BLM: variants seen among roughly 807,000 people sequenced by gnomAD.
BLM encodes the protein recQ-like DNA helicase BLM.
Under a neutral mutation model 135.3 loss-of-function variants are expected in BLM, and 95 were observed. That is an observed-to-expected ratio of 0.70 (90% confidence interval 0.59 to 0.83). The LOEUF (loss-of-function observed/expected upper bound fraction) is 0.83, where lower values mean the gene tolerates loss of function less well. Among genes scored for constraint, BLM ranks in the 40% least tolerant of loss-of-function variants. The probability of loss-of-function intolerance (pLI) is 0.00; values close to 1 mark genes in which losing one functional copy is unlikely to be tolerated. For synonymous variants in BLM, 520 were observed against 589.2 expected, an observed-to-expected ratio of 0.88 and a Z score of 1.70; for missense variants, 1,518 against 1,663.9, an observed-to-expected ratio of 0.91 and a Z score of 1.53.
intron 16 of BLM, among the ~76,000 whole-genome samples, chr15:90,795,596 C>A (rs1005919008): frequency 6.6e-6 from 1 of 152,104 alleles, no homozygotes; most frequent in Admixed American, 6.6e-5. Context: ...TCTCCTCCCA[C>A]CCCACCCCAT....
At chr15:90,720,096 T>G (rs1894726364) in intron 1 of BLM, among the ~76,000 whole-genome samples, 1 of 152,218 alleles carries the variant, frequency 6.6e-6, no homozygotes, top group Non-Finnish European at 1.5e-5. Flanking sequence ...TGGGAAGCCA[T>G]AGTCTTTTAA....
chr15:90,803,466 G>C (rs1897210293), intron 17 of BLM, 55 bp from the exon 18 acceptor site: 2 of 1,525,724 alleles, frequency 1.3e-6, no homozygotes, highest in African/African-American at 1.4e-5. Flanking sequence ...TCTTCTATTT[G>C]AGGGTGATGA....
Position 90,794,336 on chromosome 15 carries a change from T to C in BLM, c.3189T>C (p.Cys1063=). ...GTAAGAAACACCCAGATGTTTCTTGTGATAATTGCTGTAAAACAAAGGTAA... is the reference window on the plus strand; with the variant it reads ...GTAAGAAACACCCAGATGTTTCTTGCGATAATTGCTGTAAAACAAAGGTAA... ...DFCKKHPDVS[C]DNCCKTKDYK... is the part of the protein sequence containing the mutation. The change falls in exon 16 of 22, where the codon TGT becomes TGC. Residue 1063 remains cysteine, a synonymous_variant. Coordinates refer to ENST00000355112, the MANE Select transcript of BLM (RefSeq NM_000057.4). The C allele has an allele frequency of 6.3e-7, 1 of 1,598,390 alleles. No individual in the cohort carries two copies.
intron 2 of BLM, among the ~76,000 whole-genome samples, chr15:90,748,361 G>A (rs1323022605): frequency 6.6e-6 from 1 of 152,078 alleles, no homozygotes; most frequent in Non-Finnish European, 1.5e-5. Context: ...GCCCACCTTG[G>A]CCTCCCAAAG....
chr15:90,769,083 G>A lies in BLM; in HGVS notation c.2308-50G>A, dbSNP rs17273206. ...TGGAATTTGAAGACCACAGAATCAT[G>A]AGGTGATGTGTTTCAGTGTTTTTAC... is the stretch of plus-strand genomic sequence containing the variant. On this transcript the variant is annotated intron_variant, in intron 10 of 21. Coordinates refer to ENST00000355112, the MANE Select transcript of BLM (RefSeq NM_000057.4). 0.16 allele frequency: 220,709 copies of A among 1,363,766 alleles called. 19,044 individuals are homozygous for A. The highest frequency in any genetic ancestry group is 0.23 in the East Asian group (10,185 of 43,724). 84.5% of individuals were successfully genotyped at this position (1,363,766 alleles called of 1,614,324 possible). A position where few individuals can be genotyped will look rare whatever the true frequency, so the allele number is the denominator to read the frequency against.
Position 90,775,550 on chromosome 15 carries a change from C to G in BLM, c.2555+5964C>G, listed in dbSNP as rs529351365. On this transcript the variant is annotated intron_variant, in intron 12 of 21. Transcript: ENST00000355112. ...TGTGTGTATTTTAGACCAAGTTTCA[C>G]TCTTGTCGCCCAGGCTGGAGTGCAA... Among the ~76,000 whole-genome samples, 14 of 151,358 alleles carry G rather than the reference C, an allele frequency of 9.2e-5. No individual in the cohort carries two copies. The South Asian group carries it at 2.9e-3, about 32-fold the overall frequency.
intron 5 of BLM, among the ~76,000 whole-genome samples, chr15:90,759,354 G>A (rs147311399): frequency 0.014 from 2,193 of 151,498 alleles, 50 homozygotes; most frequent in African/African-American, 0.049. Flanking sequence ...TTGAGCCCAG[G>A]AGTTTGAGAC....
At chr15:90,807,123 G>A (rs1897302617) in intron 19 of BLM, among the ~76,000 whole-genome samples, 1 of 152,144 alleles carries the variant, frequency 6.6e-6, no homozygotes, top group African/African-American at 2.4e-5. Flanking sequence ...ATTCTCATTA[G>A]CCATAAGGCA....
chr15:90,803,946 T>G (rs779884538), intron 18 of BLM, among the ~76,000 whole-genome samples: 1 of 152,254 alleles, frequency 6.6e-6, no homozygotes, highest in Non-Finnish European at 1.5e-5. Context: ...TCACTAAATC[T>G]TTATATATTC....
At chr15:90,732,505 A>G (rs1376733214) in intron 1 of BLM, among the ~76,000 whole-genome samples, 2 of 151,988 alleles carry the variant, frequency 1.3e-5, no homozygotes, top group Admixed American at 1.3e-4. Context: ...AAAATTGAAA[A>G]CAACTATTGG....
At chr15:90,730,692 C>T (rs756696843) in intron 1 of BLM, among the ~76,000 whole-genome samples, 8 of 152,054 alleles carry the variant, frequency 5.3e-5, no homozygotes, top group Admixed American at 1.3e-4. Context: ...GTGATCTGCC[C>T]GTCTCAGCCT....
At chr15:90,794,908 A>C (rs1200385711) in intron 16 of BLM, among the ~76,000 whole-genome samples, 1 of 152,034 alleles carries the variant, frequency 6.6e-6, no homozygotes, top group Non-Finnish European at 1.5e-5. Context: ...GAATAACAGT[A>C]ACTGCTTGTG....
intron 18 of BLM, among the ~76,000 whole-genome samples, 186 bp downstream of exon 18, chr15:90,803,906 C>G (rs528613690): frequency 4.8e-4 from 73 of 152,154 alleles, no homozygotes; most frequent in Non-Finnish European, 9.9e-4. Context: ...AATATGACAC[C>G]TGTCAAAAGT....
At chr15:90,794,914 T>G (rs1051125789) in intron 16 of BLM, among the ~76,000 whole-genome samples, 6 of 152,106 alleles carry the variant, frequency 3.9e-5, no homozygotes, top group Non-Finnish European at 7.4e-5. Flanking sequence ...CAGTAACTGC[T>G]TGTGGATAAA....
At chr15:90,801,523 A>T (rs998770453) in intron 17 of BLM, among the ~76,000 whole-genome samples, 2 of 152,176 alleles carry the variant, frequency 1.3e-5, no homozygotes, top group Admixed American at 1.3e-4. Context: ...AGTATCATAT[A>T]ACTAGCAAAA....
chr15:90,770,017 C>G (rs1390535112), intron 12 of BLM, among the ~76,000 whole-genome samples: 1 of 152,000 alleles, frequency 6.6e-6, no homozygotes, highest in Admixed American at 6.6e-5. Context: ...GTCATTTCCC[C>G]CTAAGGTCCC....
chr15:90,808,943 T>G (rs1596271612), intron 19 of BLM, 194 bp from the exon 20 acceptor site: 2 of 690,790 alleles, frequency 2.9e-6, no homozygotes, highest in Non-Finnish European at 2.5e-6. Context: ...AATTGGATGG[T>G]GGGTTCCTGC....
In BLM at chr15:90,803,398, GCCGGGGTTTGTGATCTATT is replaced by G. The variant is rs543054861; in HGVS notation, c.3359-120_3359-102del. On this transcript the variant is annotated intron_variant, in intron 17 of 21. Coordinates refer to ENST00000355112, the MANE Select transcript of BLM (RefSeq NM_000057.4). ...TCATTTAACAGAAATGAGTGTCTGT[GCCGGGGTTTGTGATCTATT>G]CCATCTGTCCAAACCTGTCCATAAA... The G allele has an allele frequency of 4.0e-4, 271 of 681,096 alleles. 1 individual carries two copies. In the East Asian group the frequency reaches 5.9e-3, roughly 15 times the overall value. 42.2% of individuals were successfully genotyped at this position (681,096 alleles called of 1,614,324 possible). A position where few individuals can be genotyped will look rare whatever the true frequency, so the allele number is the denominator to read the frequency against.
At chr15:90,801,649 T>A (rs1241217478) in intron 17 of BLM, among the ~76,000 whole-genome samples, 2 of 152,156 alleles carry the variant, frequency 1.3e-5, no homozygotes, top group Non-Finnish European at 2.9e-5. Context: ...AAGGCAAGAT[T>A]TCAGGTCCTT....
Sources: allele counts gnomAD v4.1 joint callset (sites outside exome capture counted in the v4.1 genomes callset), GRCh38; gene constraint gnomAD v4.1.1; transcripts MANE v1.5; gene names NCBI Gene and HGNC (gene_info 2026-07-23, HGNC 2026-07-21).